The following RHOT1 variants were observed in gnomAD, a reference collection of about 807,000 sequenced individuals.
RHOT1 encodes the protein ras homolog family member T1, also known as mitochondrial Rho GTPase 1.
In RHOT1, 27 loss-of-function variants were observed where a neutral mutation model predicts 95.3. That is an observed-to-expected ratio of 0.28 (90% CI 0.21 to 0.39). The LOEUF is 0.39. Ranked by LOEUF, RHOT1 falls within the 10% of genes least tolerant of loss-of-function variation. The pLI is 1.00. For synonymous variants in RHOT1, 227 were observed against 263.5 expected, an observed-to-expected ratio of 0.86 and a Z score of 1.34; for missense variants, 578 against 786.7, an observed-to-expected ratio of 0.73 and a Z score of 3.17.
chr17:32,167,627 A>G (rs1483342661), intron 1 of RHOT1, among the ~76,000 whole-genome samples: 1 of 152,210 alleles, frequency 6.6e-6, no homozygotes, highest in Non-Finnish European at 1.5e-5. Flanking sequence ...CTTCCACTTA[A>G]AGGCAGCAAC....
intron 1 of RHOT1, chr17:32,150,351 A>G: frequency 2.7e-6 from 1 of 366,922 alleles, no homozygotes; most frequent in Non-Finnish European, 4.8e-6. Flanking sequence ...TTTGCTGCTA[A>G]TGAACTTTTT....
At chr17:32,174,065 A>C (rs2034797752) in intron 3 of RHOT1, among the ~76,000 whole-genome samples, 153 bp downstream of exon 3, 1 of 152,222 alleles carries the variant, frequency 6.6e-6, no homozygotes, top group African/African-American at 2.4e-5. Flanking sequence ...TATGTCTGTC[A>C]ACCTCTACCC....
intron 13 of RHOT1, among the ~76,000 whole-genome samples, chr17:32,200,322 C>T (rs1397123118): frequency 6.6e-6 from 1 of 151,680 alleles, no homozygotes; most frequent in Non-Finnish European, 1.5e-5. Flanking sequence ...GAAGGTAGAT[C>T]GCATAAAATA....
Position 32,150,609 on chromosome 17 carries a change from G to C in RHOT1, c.37+7880G>C, listed in dbSNP as rs2032163328. On this transcript the variant is annotated intron_variant, in intron 1 of 19. Coordinates refer to ENST00000545287, the MANE Select transcript of RHOT1 (RefSeq NM_001033566.3). ...CCTGTCCTCCTACCTGGTACTTTGT[G>C]AGTGAGAGATACTGATACAGACAGT... 4 of 1,587,622 alleles carry C rather than the reference G, an allele frequency of 2.5e-6. No individual in the cohort carries two copies. In the Admixed American group the frequency reaches 6.8e-5, roughly 27 times the overall value.
intron 1 of RHOT1, among the ~76,000 whole-genome samples, chr17:32,146,133 C>T (rs1405773917): frequency 6.6e-6 from 1 of 152,196 alleles, no homozygotes; most frequent in Admixed American, 6.5e-5. Flanking sequence ...TTTTATGCTA[C>T]TCTCTCCTTC....
Position 32,194,061 on chromosome 17 carries a change from G to T in RHOT1, c.823G>T (p.Gly275Cys). Residue 275 changes from glycine (G) to cysteine (C), a missense_variant, in exon 11 of 20, where the codon GGT becomes TGT. By Grantham distance (159) the Gly-to-Cys change is radical. This residue lies in a region of RHOT1 where 227 missense variants were observed against 316.0 expected (regional missense o/e 0.72). Transcript: ENST00000545287. ...ETTWTVLRRF[G>C]YDDDLDLTPE... Reference sequence around the variant, plus strand: ...TACTTGGACTGTGCTTCGACGATTTGGTTATGATGATGACCTGGATTTGAC... The same window carrying T: ...TACTTGGACTGTGCTTCGACGATTTTGTTATGATGATGACCTGGATTTGAC... The T allele has an allele frequency of 6.2e-7, 1 of 1,614,094 alleles. No homozygotes were observed. Among genetic ancestry groups the T allele is most frequent in the Non-Finnish European group, 8.5e-7 (1 of 1,180,012 alleles).
At chr17:32,186,439 C>T (rs1327215876) in intron 8 of RHOT1, among the ~76,000 whole-genome samples, 1 of 151,376 alleles carries the variant, frequency 6.6e-6, no homozygotes, top group East Asian at 1.9e-4. Context: ...TCTCGGCTCA[C>T]TGCAAACTTC....
intron 2 of RHOT1, 25 bp downstream of exon 2, chr17:32,171,126 A>T: frequency 7.1e-7 from 1 of 1,417,266 alleles, no homozygotes; most frequent in Non-Finnish European, 9.8e-7. Flanking sequence ...TTCCATATTT[A>T]AATTTTAAAA....
At chr17:32,153,439 G>C (rs368609236) in intron 1 of RHOT1, among the ~76,000 whole-genome samples, 27 of 152,290 alleles carry the variant, frequency 1.8e-4, no homozygotes, top group African/African-American at 6.3e-4. Context: ...CAGGAGGATA[G>C]CTTGAGGCTA....
intron 9 of RHOT1, 97 bp downstream of exon 9, chr17:32,192,396 TATGTTATAAAC>T (rs2036555830): frequency 1.4e-6 from 1 of 722,208 alleles, no homozygotes; most frequent in Non-Finnish European, 2.4e-6. Flanking sequence ...ACAAGAACAG[TATGTTATAAAC>T]ATAAGTTTCT....
At chr17:32,164,065 G>A (rs771636385) in intron 1 of RHOT1, among the ~76,000 whole-genome samples, 2 of 152,156 alleles carry the variant, frequency 1.3e-5, no homozygotes, top group Non-Finnish European at 2.9e-5. Flanking sequence ...TGAGGCAGGA[G>A]AATTGCTTGA....
rs113922889 is a variant in RHOT1, at chr17:32,206,742, C to T, written c.1417-168C>T. On this transcript the variant is annotated intron_variant, in intron 16 of 19. Transcript: ENST00000545287. ...TGCTGGGATTACAAGCGTGAGCCAC[C>T]GCGCCCAGCCTTGTCTATACTTTCT... Among the ~76,000 whole-genome samples, 1,149 of 152,100 alleles carry T rather than the reference C, an allele frequency of 7.6e-3. 11 individuals are homozygous for T. Among genetic ancestry groups the T allele is most frequent in the African/African-American group, 0.026 (1,074 of 41,482 alleles).
Position 32,192,226 on chromosome 17 carries a change from T to A in RHOT1, c.566T>A (p.Leu189His), listed in dbSNP as rs1417963010. ...KEMKPACIKA[L>H]TRIFKISDQD... The stretch of plus-strand genomic sequence containing the variant: ...ATGAAACCAGCTTGTATAAAAGCCC[T>A]TACTCGTATATTTAAAATATCTGAT... The change falls in exon 9 of 20, where the codon CTT becomes CAT. Residue 189 changes from leucine to histidine, a missense_variant. Transcript: ENST00000545287. The A allele has an allele frequency of 6.4e-7, 1 of 1,556,468 alleles. No individual in the cohort carries two copies. Among genetic ancestry groups the A allele is most frequent in the Non-Finnish European group, 8.7e-7 (1 of 1,144,460 alleles).
intron 11 of RHOT1, among the ~76,000 whole-genome samples, chr17:32,196,295 A>G (rs898918390): frequency 2.0e-5 from 3 of 151,950 alleles, no homozygotes; most frequent in Admixed American, 6.6e-5. Flanking sequence ...GGCCCAAGCA[A>G]TCATCCCACT....
At chr17:32,149,591 C>CTATATATATATATATA (rs1162059092) in intron 1 of RHOT1, among the ~76,000 whole-genome samples, 10 of 52,694 alleles carry the variant, frequency 1.9e-4, no homozygotes, top group Admixed American at 2.7e-4. Context: ...CCCAGCAGTT[C>CTATATATATATATATA]TATATATATA....
intron 1 of RHOT1, 36 bp downstream of exon 1, chr17:32,142,765 T>G: frequency 6.8e-7 from 1 of 1,477,214 alleles, no homozygotes; most frequent in Middle Eastern, 2.4e-4. Context: ...CCTGAGTCCC[T>G]GCCCTCCCTG....
chr17:32,205,859 T>C (rs2037685213), intron 16 of RHOT1, among the ~76,000 whole-genome samples: 1 of 152,198 alleles, frequency 6.6e-6, no homozygotes, highest in Non-Finnish European at 1.5e-5. Context: ...AATTTTACTC[T>C]TGTTGGAGAT....
intron 11 of RHOT1, among the ~76,000 whole-genome samples, chr17:32,195,017 G>A (rs1381457668): frequency 6.6e-6 from 1 of 151,598 alleles, no homozygotes; most frequent in East Asian, 1.9e-4. Context: ...AGTAGAGAAG[G>A]GGTTTCACCG....
At chr17:32,143,798 T>G (rs1047904783) in intron 1 of RHOT1, among the ~76,000 whole-genome samples, 1 of 152,372 alleles carries the variant, frequency 6.6e-6, no homozygotes, top group East Asian at 1.9e-4. Flanking sequence ...CATTGCTGTT[T>G]CGAAGCATTC....
Sources: allele counts gnomAD v4.1 joint callset (sites outside exome capture counted in the v4.1 genomes callset), GRCh38; gene constraint gnomAD v4.1.1; regional missense constraint gnomAD v4.1.1; transcripts MANE v1.5; gene names NCBI Gene and HGNC (gene_info 2026-07-23, HGNC 2026-07-21).